KCNS3: variants seen among roughly 807,000 people sequenced by gnomAD.
KCNS3 encodes delayed-rectifier potassium channel regulatory subunit KCNS3.
In KCNS3, 13 loss-of-function variants were observed where a neutral mutation model predicts 31.0. The ratio of observed to expected loss-of-function variants is 0.42; its 90% CI spans 0.27 to 0.67. The LOEUF is 0.67. Among genes scored for constraint, KCNS3 ranks in the 30% least tolerant of loss-of-function variants. The pLI is 0.25. For synonymous variants in KCNS3, 238 were observed against 241.5 expected, an observed-to-expected ratio of 0.99 and a Z score of 0.13; for missense variants, 545 against 622.4, an observed-to-expected ratio of 0.88 and a Z score of 1.32.
chr2:17,890,470 T>C (rs1661820470), intron 1 of KCNS3, among the ~76,000 whole-genome samples: 1 of 152,040 alleles, frequency 6.6e-6, no homozygotes, highest in Non-Finnish European at 1.5e-5. Flanking sequence ...CTGCGGGGGT[T>C]GGGTTTGGTT....
Position 17,931,597 on chromosome 2 carries a change from G to T in KCNS3, c.589G>T (p.Ala197Ser). 6.2e-7 allele frequency: 1 copy of T among 1,614,164 alleles called. No individual in the cohort carries two copies. Among genetic ancestry groups the T allele is most frequent in the Non-Finnish European group, 8.5e-7 (1 of 1,180,036 alleles). The change falls in exon 3 of 3, where the codon GCC becomes TCC. Residue 197 changes from alanine (A) to serine (S), a missense_variant. Ala to Ser is a moderately conservative substitution (Grantham distance 99, BLOSUM62 1). Coordinates refer to ENST00000304101, the MANE Select transcript of KCNS3 (RefSeq NM_002252.5). This position sits in a 1 kb window ranked among gnomAD's most constrained non-coding sequence, Gnocchi z 5.4. ...IAISSLSVVL[A>S]SIVAMCVHSM... ...TATCTCCTCCTTGAGCGTGGTGCTG[G>T]CCTCCATCGTGGCCATGTGCGTTCA...
At chr2:17,899,069 T>C (rs1662100188) in intron 1 of KCNS3, among the ~76,000 whole-genome samples, 1 of 151,894 alleles carries the variant, frequency 6.6e-6, no homozygotes, top group Admixed American at 6.6e-5. Flanking sequence ...CCACTAAAAA[T>C]ACAAGAATTA....
At chr2:17,900,020 C>G (rs1467751911) in intron 1 of KCNS3, among the ~76,000 whole-genome samples, 15 of 152,262 alleles carry the variant, frequency 9.9e-5, no homozygotes, top group Non-Finnish European at 4.4e-5. Context: ...GTATGGGGCT[C>G]ATTGGAGAGC....
intron 1 of KCNS3, among the ~76,000 whole-genome samples, chr2:17,884,932 G>GTTTTTTTTT (rs55738585): frequency 7.8e-6 from 1 of 128,002 alleles, no homozygotes; most frequent in Non-Finnish European, 1.7e-5. Flanking sequence ...CTTCCCTGTT[G>GTTTTTTTTT]TTTTTTTTTT....
At position 17,895,111 on chromosome 2, in the gene KCNS3, G is replaced by A. The variant is rs148094872; in HGVS notation, c.-252+16305G>A. On this transcript the variant is annotated intron_variant, in intron 1 of 2. Coordinates refer to ENST00000304101, the MANE Select transcript of KCNS3 (RefSeq NM_002252.5). ...GGATAGTTTTCAGGGACTGGATACG[G>A]ATGTTTGTGAAGCATAAACACATTT... is the stretch of plus-strand genomic sequence containing the variant. Among the ~76,000 whole-genome samples, 10 of 152,312 alleles carry A rather than the reference G, an allele frequency of 6.6e-5. No homozygotes were observed. The East Asian group carries it at 1.9e-3, about 29-fold the overall frequency.
intron 1 of KCNS3, among the ~76,000 whole-genome samples, chr2:17,884,266 AAAATATATATATATATAT>A (rs1350951213): frequency 6.6e-5 from 3 of 45,154 alleles, no homozygotes; most frequent in African/African-American, 8.4e-5. Context: ...TAAAAAAAAA[AAAATATATATATATATAT>A]ATATATATAT....
chr2:17,906,397 T>C (rs1350669423), intron 1 of KCNS3, among the ~76,000 whole-genome samples: 2 of 152,138 alleles, frequency 1.3e-5, no homozygotes, highest in East Asian at 1.9e-4. Flanking sequence ...TTTGTTGATC[T>C]TTTCAAAAAA....
At chr2:17,889,314 T>C (rs777909910) in intron 1 of KCNS3, among the ~76,000 whole-genome samples, 3 of 152,204 alleles carry the variant, frequency 2.0e-5, no homozygotes, top group Admixed American at 6.5e-5. Context: ...TTATCAGCTC[T>C]AGGAGCTTTC....
chr2:17,904,538 C>G (rs544291439), intron 1 of KCNS3, among the ~76,000 whole-genome samples: 2,681 of 152,078 alleles, frequency 0.018, 57 homozygotes, highest in African/African-American at 0.06. Context: ...CTTGCCCATG[C>G]CTATGTCCTG....
chr2:17,906,297 G>T (rs191138969), intron 1 of KCNS3, among the ~76,000 whole-genome samples: 1 of 152,088 alleles, frequency 6.6e-6, no homozygotes, highest in Admixed American at 6.5e-5. Context: ...CTGTGGGATC[G>T]GTGGTGATAT....
At chr2:17,915,899 G>A (rs925797890) in intron 1 of KCNS3, among the ~76,000 whole-genome samples, 3 of 152,128 alleles carry the variant, frequency 2.0e-5, no homozygotes, top group African/African-American at 7.2e-5. Flanking sequence ...TCTGAGTTTT[G>A]TGGGGAGGGA....
intron 1 of KCNS3, among the ~76,000 whole-genome samples, chr2:17,886,779 T>TCCAC (rs1332403529): frequency 3.5e-4 from 53 of 151,056 alleles, no homozygotes; most frequent in Non-Finnish European, 6.8e-4. Context: ...CATCCATCCA[T>TCCAC]CCACCCACCC....
At position 17,930,501 on chromosome 2, in the gene KCNS3, T is replaced by C. The variant is rs577595240; in HGVS notation, c.-59-449T>C. 4.6e-5 allele frequency among the ~76,000 whole-genome samples: 7 copies of C among 152,154 alleles called. No individual in the cohort carries two copies. The South Asian group carries it at 1.5e-3, about 32-fold the overall frequency. On this transcript the variant is annotated intron_variant, in intron 2 of 2. Coordinates refer to ENST00000304101, the MANE Select transcript of KCNS3 (RefSeq NM_002252.5). ...TGGGGGCATGACCAAGCCCTAGGGA[T>C]TGGAAGGGATGAGCTTCAAGCCTGG...
At chr2:17,890,997 G>A (rs746397521) in intron 1 of KCNS3, among the ~76,000 whole-genome samples, 3 of 152,144 alleles carry the variant, frequency 2.0e-5, no homozygotes, top group Non-Finnish European at 2.9e-5. Context: ...CTGTCTTGAT[G>A]ACCTGTCTAG....
chr2:17,913,786 A>G (rs897610367), intron 1 of KCNS3, among the ~76,000 whole-genome samples: 1 of 152,096 alleles, frequency 6.6e-6, no homozygotes, highest in Non-Finnish European at 1.5e-5. Flanking sequence ...TCTCCAAGGG[A>G]TATTGGCAGT....
At chr2:17,925,970 A>G (rs1020221530) in intron 2 of KCNS3, among the ~76,000 whole-genome samples, 9 of 152,360 alleles carry the variant, frequency 5.9e-5, no homozygotes, top group Non-Finnish European at 1.2e-4. Flanking sequence ...TAAAATCAAA[A>G]GCAAATTAGT....
intron 2 of KCNS3, among the ~76,000 whole-genome samples, chr2:17,925,892 A>G (rs1165966518): frequency 6.6e-6 from 1 of 152,206 alleles, no homozygotes; most frequent in Admixed American, 6.5e-5. Flanking sequence ...TCATTTCAAC[A>G]TTAATTCAAA....
At chr2:17,908,384 G>C (rs1034584558) in intron 1 of KCNS3, among the ~76,000 whole-genome samples, 6 of 152,084 alleles carry the variant, frequency 3.9e-5, no homozygotes, top group Non-Finnish European at 7.3e-5. Context: ...AAGGTTTTTA[G>C]CTTCTTTGCC....
Position 17,932,606 on chromosome 2 carries a change from G to T in KCNS3, c.*122G>T. ...CAGGGTGTACCTTTCAGCCATAGTT[G>T]GACATTCATTGCTGAATTCTGAAAT... On this transcript the variant is annotated 3_prime_UTR_variant, in exon 3 of 3. Transcript: ENST00000304101. 5 of 1,005,296 alleles carry T rather than the reference G, an allele frequency of 5.0e-6. No individual in the cohort carries two copies. The highest frequency in any genetic ancestry group is 2.7e-5 in the Admixed American group (1 of 36,562). 62.3% of individuals were successfully genotyped at this position (1,005,296 alleles called of 1,614,324 possible).
Sources: gnomAD v4.1 joint callset for allele counts (sites outside exome capture counted in the v4.1 genomes callset) on GRCh38, gnomAD v4.1.1 for gene constraint, Gnocchi (gnomAD v3.1) non-coding constraint, MANE v1.5 for transcripts, NCBI Gene and HGNC (gene_info 2026-07-23, HGNC 2026-07-21) for gene names.